Variants in PIK3CB observed in about 807,000 individuals in gnomAD.
PIK3CB encodes the protein phosphatidylinositol-4,5-bisphosphate 3-kinase catalytic subunit beta, also known as phosphatidylinositol 4,5-bisphosphate 3-kinase catalytic subunit beta isoform.
PIK3CB carries 39 observed loss-of-function variants against 136.8 expected under a neutral mutation model. The observed-to-expected ratio is 0.29, with a 90% confidence interval of 0.22 to 0.37. The LOEUF (loss-of-function observed/expected upper bound fraction) is 0.37, where lower values mean the gene tolerates loss of function less well. Among genes scored for constraint, PIK3CB ranks in the 10% least tolerant of loss-of-function variants. PIK3CB has a pLI of 1.00. For missense variants in PIK3CB, 868 were observed against 1,275.4 expected, an observed-to-expected ratio of 0.68 and a Z score of 4.87; for synonymous variants, 428 against 436.6, an observed-to-expected ratio of 0.98 and a Z score of 0.25.
intron 10 of PIK3CB, 39 bp from the exon 11 acceptor site, chr3:138,707,328 T>C: frequency 6.4e-7 from 1 of 1,572,926 alleles, no homozygotes; most frequent in East Asian, 2.3e-5. Flanking sequence ...AAAAAATGTC[T>C]TTAAAACTAG....
Position 138,707,183 on chromosome 3 carries a change from A to G in PIK3CB, c.1506T>C (p.Pro502=), listed in dbSNP as rs200598451. Residue 502 remains proline, a synonymous_variant, in exon 11 of 24, where the codon CCT becomes CCC. Transcript: ENST00000674063. The part of the protein sequence containing the change: ...HVKFPENKKQ[P]YYYPPFDKII... ...CCTTATCGAAGGGAGGGTAATAATAAGGTTGTTTTTTATTCTCTGGAAATT... is the reference window on the plus strand; with the variant it reads ...CCTTATCGAAGGGAGGGTAATAATAGGGTTGTTTTTTATTCTCTGGAAATT... 1.6e-5 allele frequency: 25 copies of G among 1,605,184 alleles called. No individual in the cohort carries two copies. Among genetic ancestry groups the G allele is most frequent in the Non-Finnish European group, 2.1e-5 (25 of 1,172,988 alleles).
At position 138,747,978 on chromosome 3, in the gene PIK3CB, C is replaced by A. The variant is rs550563364; in HGVS notation, c.398-5197G>T. On this transcript the variant is annotated intron_variant, in intron 4 of 23. Coordinates refer to ENST00000674063, the MANE Select transcript of PIK3CB (RefSeq NM_006219.3). ...AAATCTAAAAGAATGAATCAACATA[C>A]ATAAATGTTTATGTGTGCATTTATT... Among the ~76,000 whole-genome samples the A allele has an allele frequency of 2.6e-5, 4 of 152,166 alleles. No individual in the cohort carries two copies. In the East Asian group the frequency reaches 7.7e-4, roughly 29 times the overall value.
intron 1 of PIK3CB, among the ~76,000 whole-genome samples, chr3:138,828,882 G>A (rs1486239010): frequency 1.3e-5 from 2 of 151,928 alleles, no homozygotes; most frequent in African/African-American, 4.8e-5. Flanking sequence ...CCGCCTCCCA[G>A]GTTCAACCGA....
chr3:138,666,747 A>G (rs2043418188), intron 19 of PIK3CB, among the ~76,000 whole-genome samples: 1 of 152,216 alleles, frequency 6.6e-6, no homozygotes, highest in South Asian at 2.1e-4. Context: ...ACTCGGGTAC[A>G]GCTAACCAAG....
chr3:138,825,786 TC>T, intron 1 of PIK3CB: 2 of 866,754 alleles, frequency 2.3e-6, no homozygotes, highest in Non-Finnish European at 1.9e-6. Flanking sequence ...TCACCTTTGC[TC>T]CAGTCAATGT....
chr3:138,700,377 G>C (rs2044225484), intron 12 of PIK3CB, among the ~76,000 whole-genome samples: 1 of 152,154 alleles, frequency 6.6e-6, no homozygotes, highest in Admixed American at 6.5e-5. Context: ...TACTAGATGA[G>C]TGTGGAATAC....
At chr3:138,705,137 T>C (rs1263640377) in intron 11 of PIK3CB, among the ~76,000 whole-genome samples, 2 of 87,262 alleles carry the variant, frequency 2.3e-5, no homozygotes, top group African/African-American at 4.3e-5. Flanking sequence ...AGAAAGACTC[T>C]CCAAGAGATT....
At chr3:138,774,131 C>T (rs930173964) in intron 2 of PIK3CB, among the ~76,000 whole-genome samples, 3 of 152,070 alleles carry the variant, frequency 2.0e-5, no homozygotes, top group African/African-American at 7.2e-5. Context: ...ACAAAAATAC[C>T]CAACATGTAA....
intron 22 of PIK3CB, chr3:138,657,445 TA>T: frequency 2.5e-6 from 1 of 394,684 alleles, no homozygotes; most frequent in Non-Finnish European, 4.5e-6. Flanking sequence ...CTGAAACAGG[TA>T]AAAGGTAGTA....
chr3:138,692,670 G>C (rs140126282), intron 14 of PIK3CB, among the ~76,000 whole-genome samples: 1 of 152,124 alleles, frequency 6.6e-6, no homozygotes, highest in Non-Finnish European at 1.5e-5. Flanking sequence ...GTGAGTCTGT[G>C]TAATTACTTT....
At chr3:138,831,281 A>T (rs139675813) in intron 1 of PIK3CB, among the ~76,000 whole-genome samples, 12,512 of 148,116 alleles carry the variant, frequency 0.084, 621 homozygotes, top group African/African-American at 0.13. Flanking sequence ...AAAATAAAAT[A>T]AAATTAAATT....
At chr3:138,784,853 C>G in intron 2 of PIK3CB, among the ~76,000 whole-genome samples, 1 of 152,110 alleles carries the variant, frequency 6.6e-6, no homozygotes, top group Non-Finnish European at 1.5e-5. Flanking sequence ...GCCGCCACCC[C>G]GTCTGGGAAG....
intron 14 of PIK3CB, among the ~76,000 whole-genome samples, chr3:138,693,835 A>C (rs1403630411): frequency 6.6e-6 from 1 of 150,414 alleles, no homozygotes; most frequent in Non-Finnish European, 1.5e-5. Context: ...CATACACACC[A>C]AATTCATGAT....
At chr3:138,809,377 G>A (rs1353675769) in intron 1 of PIK3CB, among the ~76,000 whole-genome samples, 7 of 151,740 alleles carry the variant, frequency 4.6e-5, no homozygotes, top group South Asian at 2.1e-4. Context: ...AGGCCGAGGC[G>A]GGCGGATCAC....
At chr3:138,784,836 C>T (rs2108797835) in intron 2 of PIK3CB, among the ~76,000 whole-genome samples, 2 of 152,338 alleles carry the variant, frequency 1.3e-5, no homozygotes, top group African/African-American at 4.8e-5. Context: ...ATTGCAGCCT[C>T]TGCCCGGCCG....
At chr3:138,829,803 A>C (rs1388995901) in intron 1 of PIK3CB, among the ~76,000 whole-genome samples, 1 of 152,140 alleles carries the variant, frequency 6.6e-6, no homozygotes, top group Non-Finnish European at 1.5e-5. Context: ...AGAAGAAAGA[A>C]AACTGCTAGG....
intron 12 of PIK3CB, among the ~76,000 whole-genome samples, chr3:138,700,176 C>T (rs115752026): frequency 2.6e-5 from 4 of 151,852 alleles, no homozygotes; most frequent in African/African-American, 9.7e-5. Context: ...GAGCCATGAT[C>T]GTGTCACTGC....
intron 1 of PIK3CB, among the ~76,000 whole-genome samples, chr3:138,806,773 G>A (rs553800754): frequency 6.6e-6 from 1 of 152,286 alleles, no homozygotes; most frequent in East Asian, 1.9e-4. Flanking sequence ...AATCACCCTG[G>A]GAAATAAGTC....
intron 2 of PIK3CB, among the ~76,000 whole-genome samples, chr3:138,788,613 T>C: frequency 7.8e-6 from 1 of 128,380 alleles, no homozygotes; most frequent in African/African-American, 3.0e-5. Flanking sequence ...GCCGAGATCA[T>C]GCCACTGCAC....
Sources: gnomAD v4.1 joint callset for allele counts (sites outside exome capture counted in the v4.1 genomes callset) on GRCh38, gnomAD v4.1.1 for gene constraint, MANE v1.5 for transcripts, NCBI Gene and HGNC (gene_info 2026-07-23, HGNC 2026-07-21) for gene names.